CDH12: variants seen among roughly 807,000 people sequenced by gnomAD.
CDH12 encodes cadherin 12.
CDH12 carries 41 observed loss-of-function variants against 74.1 expected under a neutral mutation model. The observed-to-expected ratio is 0.55, with a 90% CI of 0.43 to 0.72. CDH12 has a LOEUF of 0.72. Among genes scored for constraint, CDH12 ranks in the 30% least tolerant of loss-of-function variants. The pLI is 0.00. For synonymous variants in CDH12, 399 were observed against 355.0 expected, an observed-to-expected ratio of 1.12 and a Z score of -1.39; for missense variants, 945 against 977.2, an observed-to-expected ratio of 0.97 and a Z score of 0.44.
chr5:22,294,603 A>T (rs571405936), intron 3 of CDH12, among the ~76,000 whole-genome samples: 1 of 152,314 alleles, frequency 6.6e-6, no homozygotes, highest in South Asian at 2.1e-4. Flanking sequence ...ATCTGAAGTC[A>T]ACATAGCAGA....
intron 3 of CDH12, among the ~76,000 whole-genome samples, chr5:22,343,550 TGG>T (rs937226662): frequency 6.6e-6 from 1 of 152,114 alleles, no homozygotes; most frequent in African/African-American, 2.4e-5. Context: ...CCCGAGTAGC[TGG>T]GACTACAGGC....
At chr5:21,796,468 T>C (rs1303754973) in intron 10 of CDH12, among the ~76,000 whole-genome samples, 1 of 152,022 alleles carries the variant, frequency 6.6e-6, no homozygotes, top group Non-Finnish European at 1.5e-5. Flanking sequence ...AGTGAAAACA[T>C]TGTAAGATGA....
At chr5:22,838,353 G>A (rs1011694661) in intron 1 of CDH12, among the ~76,000 whole-genome samples, 40 of 152,156 alleles carry the variant, frequency 2.6e-4, no homozygotes, top group East Asian at 9.7e-4. Flanking sequence ...ACCTGCACCC[G>A]TGCTTCAGGC....
chr5:22,369,104 G>A (rs1455456731), intron 3 of CDH12, among the ~76,000 whole-genome samples: 6 of 152,036 alleles, frequency 3.9e-5, no homozygotes, highest in African/African-American at 1.4e-4. Context: ...ACTCCAGCCT[G>A]GGCCACAGAG....
intron 4 of CDH12, among the ~76,000 whole-genome samples, chr5:22,199,702 C>G (rs1250323967): frequency 6.6e-6 from 1 of 152,008 alleles, no homozygotes; most frequent in Non-Finnish European, 1.5e-5. Context: ...GGATATTAAA[C>G]CTGTTTACTT....
intron 4 of CDH12, among the ~76,000 whole-genome samples, chr5:22,148,186 C>G (rs1747333130): frequency 6.6e-6 from 1 of 152,178 alleles, no homozygotes; most frequent in African/African-American, 2.4e-5. Flanking sequence ...TTTGTTCTTT[C>G]TATGCCAACT....
At chr5:22,825,435 G>A (rs536473069) in intron 1 of CDH12, among the ~76,000 whole-genome samples, 20 of 152,042 alleles carry the variant, frequency 1.3e-4, no homozygotes, top group South Asian at 2.1e-4. Context: ...ATAAAGATCC[G>A]AAGAAAGTTA....
Position 22,288,989 on chromosome 5 carries a change from G to T in CDH12, c.-332-76346C>A, listed in dbSNP as rs185005250. 9.2e-5 allele frequency among the ~76,000 whole-genome samples: 14 copies of T among 152,180 alleles called. No individual in the cohort carries two copies. In the East Asian group the frequency reaches 2.5e-3, roughly 27 times the overall value. ...AGCACAGAAGTTTGAAACCAGCCTGGCCTACATAGCAAGACTCCATCTATA... is the reference window on the plus strand; with the variant it reads ...AGCACAGAAGTTTGAAACCAGCCTGTCCTACATAGCAAGACTCCATCTATA... On this transcript the variant is annotated intron_variant, in intron 3 of 14. Transcript: ENST00000382254.
chr5:22,004,080 G>A (rs536087648), intron 5 of CDH12, among the ~76,000 whole-genome samples: 40 of 152,228 alleles, frequency 2.6e-4, no homozygotes, highest in African/African-American at 9.4e-4. Flanking sequence ...CAGATTCAAT[G>A]TATTTATCTT....
At chr5:21,813,560 A>T (rs1747874287) in intron 9 of CDH12, among the ~76,000 whole-genome samples, 1 of 152,168 alleles carries the variant, frequency 6.6e-6, no homozygotes, top group Admixed American at 6.6e-5. Flanking sequence ...CTATATCACG[A>T]TCTGTTAATA....
chr5:22,206,230 C>G (rs1423392769), intron 4 of CDH12, among the ~76,000 whole-genome samples: 10 of 152,182 alleles, frequency 6.6e-5, no homozygotes, highest in Non-Finnish European at 1.2e-4. Context: ...CCAGTAGCAT[C>G]AACCTCTCTG....
intron 1 of CDH12, among the ~76,000 whole-genome samples, chr5:22,696,214 C>CA (rs1310943157): frequency 4.0e-5 from 6 of 151,436 alleles, no homozygotes; most frequent in South Asian, 4.2e-4. Flanking sequence ...CTGAAAAATA[C>CA]AAAAAAATTA....
chr5:21,943,311 A>G (rs1238770374), intron 6 of CDH12, among the ~76,000 whole-genome samples: 1 of 152,238 alleles, frequency 6.6e-6, no homozygotes, highest in Non-Finnish European at 1.5e-5. Context: ...GTTAGCATTT[A>G]CAAAGTTTAC....
intron 4 of CDH12, among the ~76,000 whole-genome samples, chr5:22,179,626 G>C (rs1198430281): frequency 1.3e-5 from 2 of 152,122 alleles, no homozygotes; most frequent in Admixed American, 6.5e-5. Flanking sequence ...CATAGCTCCT[G>C]TGGGTCAGAA....
intron 3 of CDH12, among the ~76,000 whole-genome samples, chr5:22,364,563 A>G (rs1365157336): frequency 6.6e-6 from 1 of 152,152 alleles, no homozygotes; most frequent in African/African-American, 2.4e-5. Context: ...AGGTGAGAAA[A>G]ATAAGTGAAG....
At chr5:22,198,054 G>T (rs1052785339) in intron 4 of CDH12, among the ~76,000 whole-genome samples, 10 of 151,476 alleles carry the variant, frequency 6.6e-5, no homozygotes, top group Admixed American at 6.6e-4. Context: ...ATATTTAAAA[G>T]AATAAAAAGA....
At chr5:22,688,184 A>G (rs1741910152) in intron 1 of CDH12, among the ~76,000 whole-genome samples, 1 of 152,184 alleles carries the variant, frequency 6.6e-6, no homozygotes, top group Non-Finnish European at 1.5e-5. Context: ...GAGATAGTAT[A>G]AGTGGAATGC....
At chr5:22,598,486 T>C (rs1202413628) in intron 1 of CDH12, among the ~76,000 whole-genome samples, 5 of 152,156 alleles carry the variant, frequency 3.3e-5, no homozygotes, top group African/African-American at 1.2e-4. Flanking sequence ...GATTACAAGT[T>C]TCATGAGGCC....
intron 2 of CDH12, among the ~76,000 whole-genome samples, chr5:22,501,816 G>A (rs1183893146): frequency 6.6e-6 from 1 of 151,038 alleles, no homozygotes. Flanking sequence ...GCAGGACACA[G>A]TGAACACTAA....
Sources: gnomAD v4.1 joint callset for allele counts (sites outside exome capture counted in the v4.1 genomes callset) on GRCh38, gnomAD v4.1.1 for gene constraint, MANE v1.5 for transcripts, NCBI Gene and HGNC (gene_info 2026-07-23, HGNC 2026-07-21) for gene names.